The following DGKH variants were observed in gnomAD, a reference collection of about 807,000 sequenced individuals.
The protein encoded by DGKH is DAG kinase eta.
DGKH carries 90 observed loss-of-function variants against 159.3 expected under a neutral mutation model. The ratio of observed to expected loss-of-function variants is 0.57; its 90% confidence interval spans 0.48 to 0.67. DGKH has a LOEUF of 0.67. Among genes scored for constraint, DGKH ranks in the 30% least tolerant of loss-of-function variants. DGKH has a pLI of 0.00. For synonymous variants in DGKH, 536 were observed against 553.8 expected (o/e 0.97, Z 0.45); for missense variants, 1,181 against 1,506.1 (o/e 0.78, Z 3.57).
Position 42,092,479 on chromosome 13 carries a change from G to T in DGKH, c.193-34984G>T, listed in dbSNP as rs1024697886. Among the ~76,000 whole-genome samples the T allele has an allele frequency of 2.1e-4, 32 of 152,240 alleles. 1 individual carries two copies. The highest frequency in any genetic ancestry group is 7.7e-4 in the African/African-American group (32 of 41,520). The stretch of plus-strand genomic sequence containing the variant: ...GGAACTGGAGGTCATTATATGAAGG[G>T]GAATAAACCAAGGACAGAAAGACAA... On this transcript the variant is annotated intron_variant, in intron 1 of 29. Coordinates refer to ENST00000337343, the MANE Select transcript of DGKH (RefSeq NM_178009.5).
At chr13:42,056,936 G>T (rs376615975) in intron 1 of DGKH, among the ~76,000 whole-genome samples, 1 of 151,938 alleles carries the variant, frequency 6.6e-6, no homozygotes, top group African/African-American at 2.4e-5. Flanking sequence ...CAATGTTTTA[G>T]GTTTCATCAT....
Position 42,254,597 on chromosome 13 carries a change from C to T in DGKH, n.4128-1687C>T, listed in dbSNP as rs182285983. ...ACAGTGAGCCAAGATCATGCCATTGCACTCCACTAGGCAACAAAAGCAAAG... is the reference window on the plus strand; with the variant it reads ...ACAGTGAGCCAAGATCATGCCATTGTACTCCACTAGGCAACAAAAGCAAAG... On this transcript the variant is annotated intron_variant and non_coding_transcript_variant, in intron 30 of 30. Coordinates refer to the DGKH transcript ENST00000498255. Among the ~76,000 whole-genome samples, 57 of 150,012 alleles carry T rather than the reference C, an allele frequency of 3.8e-4. No homozygotes were observed. The East Asian group carries it at 0.011, about 29-fold the overall frequency.
At chr13:42,127,712 G>A (rs1462795103) in intron 2 of DGKH, 139 bp downstream of exon 2, 9 of 648,464 alleles carry the variant, frequency 1.4e-5, no homozygotes, top group Admixed American at 5.3e-5. Flanking sequence ...GTGATCTATC[G>A]GTGACCCCAT....
intron 29 of DGKH, among the ~76,000 whole-genome samples, chr13:42,248,986 A>C (rs1212079503): frequency 6.6e-6 from 1 of 152,228 alleles, no homozygotes; most frequent in Admixed American, 6.5e-5. Flanking sequence ...CATGATATAT[A>C]AGCAGATATG....
At chr13:42,251,880 T>C (rs1162249293) in intron 29 of DGKH, among the ~76,000 whole-genome samples, 4 of 152,238 alleles carry the variant, frequency 2.6e-5, no homozygotes, top group Admixed American at 2.6e-4. Flanking sequence ...AACACAGTTA[T>C]CTTTCCACTT....
chr13:42,056,045 T>G (rs545299562), intron 1 of DGKH, among the ~76,000 whole-genome samples: 20 of 152,294 alleles, frequency 1.3e-4, no homozygotes, highest in African/African-American at 3.9e-4. Flanking sequence ...TCCCAGCTAC[T>G]TGGAACCACT....
intron 3 of DGKH, among the ~76,000 whole-genome samples, chr13:42,145,262 A>G (rs1270347282): frequency 6.6e-6 from 1 of 152,228 alleles, no homozygotes; most frequent in Admixed American, 6.5e-5. Context: ...ACAAATGACA[A>G]TCTAGTCAGC....
At chr13:42,054,019 T>G (rs977764930) in intron 1 of DGKH, among the ~76,000 whole-genome samples, 5 of 152,256 alleles carry the variant, frequency 3.3e-5, no homozygotes, top group Admixed American at 2.0e-4. Context: ...TAAACTCTTG[T>G]TCCTTTATGG....
chr13:42,123,992 A>G lies in DGKH; in HGVS notation c.193-3471A>G, dbSNP rs181607057. Reference sequence around the variant, plus strand: ...CATGGCCATATTTGTATGTCAAAACATATCAAATTGTATACTTTATGTGCA... The same window carrying G: ...CATGGCCATATTTGTATGTCAAAACGTATCAAATTGTATACTTTATGTGCA... On this transcript the variant is annotated intron_variant, in intron 1 of 29. Coordinates refer to ENST00000337343, the MANE Select transcript of DGKH (RefSeq NM_178009.5). Among the ~76,000 whole-genome samples, 390 of 152,342 alleles carry G rather than the reference A, an allele frequency of 2.6e-3. 3 individuals carry two copies. Among genetic ancestry groups the G allele is most frequent in the African/African-American group, 9.1e-3 (378 of 41,576 alleles).
intron 1 of DGKH, among the ~76,000 whole-genome samples, chr13:42,082,857 G>A (rs750620241): frequency 6.6e-6 from 1 of 152,106 alleles, no homozygotes; most frequent in Non-Finnish European, 1.5e-5. Flanking sequence ...TCCAAACCTT[G>A]CTTGTTTTGT....
chr13:42,129,734 T>G, intron 3 of DGKH, 102 bp downstream of exon 3: 1 of 1,073,900 alleles, frequency 9.3e-7, no homozygotes, highest in Non-Finnish European at 1.4e-6. Context: ...TGCTAACTTA[T>G]GCATGTTGGA....
At chr13:42,250,480 C>CTTGAAT (rs1958613388) in intron 29 of DGKH, among the ~76,000 whole-genome samples, 1 of 151,794 alleles carries the variant, frequency 6.6e-6, no homozygotes, top group Non-Finnish European at 1.5e-5. Context: ...TATCACCAGC[C>CTTGAAT]CCTATTTTAC....
chr13:42,201,650 T>C (rs1957349138), intron 20 of DGKH, among the ~76,000 whole-genome samples: 1 of 152,204 alleles, frequency 6.6e-6, no homozygotes, highest in African/African-American at 2.4e-5. Context: ...TTTGGCATTC[T>C]GGTGAAAATA....
intron 5 of DGKH, 127 bp downstream of exon 5, chr13:42,155,926 T>A: frequency 1.8e-6 from 2 of 1,097,312 alleles, no homozygotes; most frequent in Middle Eastern, 3.0e-4. Flanking sequence ...ATATTTTTGC[T>A]CAGGAAAAAA....
At chr13:42,246,216 T>C (rs1327152071), downstream of DGKH, among the ~76,000 whole-genome samples, 1 of 152,144 alleles carries the variant, frequency 6.6e-6, no homozygotes, top group East Asian at 1.9e-4. Context: ...AATGTAACAA[T>C]TGGTGGTATG....
upstream of DGKH, among the ~76,000 whole-genome samples, chr13:42,046,577 T>G (rs1160693086): frequency 6.6e-6 from 1 of 152,224 alleles, no homozygotes; most frequent in African/African-American, 2.4e-5. Flanking sequence ...GATATGAAAC[T>G]TTTTAAGTAT....
chr13:42,207,000 T>TTTCC (rs1957495342), intron 21 of DGKH, among the ~76,000 whole-genome samples: 1 of 141,070 alleles, frequency 7.1e-6, no homozygotes, highest in Non-Finnish European at 1.5e-5. Flanking sequence ...TCTTTCTTTC[T>TTTCC]TTCTTTCTTT....
chr13:42,210,557 C>T (rs772775835), intron 23 of DGKH, 45 bp from the exon 24 acceptor site: 26 of 1,575,210 alleles, frequency 1.7e-5, no homozygotes, highest in Non-Finnish European at 2.2e-5. Context: ...ACATGGACCT[C>T]TGAGTTCTAA....
chr13:42,216,188 A>G (rs923015969), intron 26 of DGKH, among the ~76,000 whole-genome samples: 4 of 152,246 alleles, frequency 2.6e-5, no homozygotes, highest in African/African-American at 7.2e-5. Flanking sequence ...ACCACAGTCC[A>G]TGGATCTCAA....
Sources: gnomAD v4.1 joint callset for allele counts (sites outside exome capture counted in the v4.1 genomes callset) on GRCh38, gnomAD v4.1.1 for gene constraint, MANE v1.5 for transcripts, NCBI Gene and HGNC (gene_info 2026-07-23, HGNC 2026-07-21) for gene names.